The following ZNF860 variants were observed in gnomAD, a reference collection of about 807,000 sequenced individuals.
ZNF860 encodes the protein zinc finger protein 860.
For synonymous variants in ZNF860, 206 were observed against 248.9 expected, an observed-to-expected ratio of 0.83 and a Z score of 1.62; for missense variants, 641 against 759.2, an observed-to-expected ratio of 0.84 and a Z score of 1.83.
the ZNF860 span, among the ~76,000 whole-genome samples, chr3:32,004,396 T>A: frequency 6.6e-6 from 1 of 152,172 alleles, no homozygotes; most frequent in Non-Finnish European, 1.5e-5. Context: ...AAGGATTGCA[T>A]ATTAATTCTG....
rs760174434 is a variant in ZNF860 at position 31,990,651 on chromosome 3, C to A, written c.1572C>A (p.Thr524=). The A allele has an allele frequency of 3.1e-6, 5 of 1,614,040 alleles. No individual in the cohort carries two copies. The highest frequency in any genetic ancestry group is 4.2e-6 in the Non-Finnish European group (5 of 1,179,996). The change falls in exon 2 of 2, where the codon ACC becomes ACA. Residue 524 remains threonine, a synonymous_variant. Coordinates refer to ENST00000360311, the MANE Select transcript of ZNF860 (RefSeq NM_001137674.3). ...GCAAGGTTTTTAATCAACAAGCAACCCTTGCACGTCATCATAGACTTCATA... is the reference window on the plus strand; with the variant it reads ...GCAAGGTTTTTAATCAACAAGCAACACTTGCACGTCATCATAGACTTCATA... ...ECGKVFNQQA[T]LARHHRLHTG...
At chr3:31,985,832 C>T (rs1329493627) in intron 1 of ZNF860, among the ~76,000 whole-genome samples, 1 of 152,200 alleles carries the variant, frequency 6.6e-6, no homozygotes, top group Admixed American at 6.5e-5. Context: ...AAGTGTTTTA[C>T]ACATAATAAC....
chr3:32,004,943 A>T, the ZNF860 span, among the ~76,000 whole-genome samples: 1 of 152,184 alleles, frequency 6.6e-6, no homozygotes, highest in Non-Finnish European at 1.5e-5. Context: ...GTTTCTCCCC[A>T]TAGGCACCCA....
At chr3:32,005,679 C>G in the ZNF860 span, among the ~76,000 whole-genome samples, 2 of 152,276 alleles carry the variant, frequency 1.3e-5, no homozygotes, top group East Asian at 3.9e-4. Context: ...CCTCTGCCTC[C>G]CAGGTTCAAG....
chr3:32,003,050 A>G, the ZNF860 span, among the ~76,000 whole-genome samples: 1 of 152,228 alleles, frequency 6.6e-6, no homozygotes, highest in Non-Finnish European at 1.5e-5. Flanking sequence ...TGGCCGAACG[A>G]AAGTGGGAAG....
At chr3:31,997,334 G>C in the ZNF860 span, among the ~76,000 whole-genome samples, 1 of 150,900 alleles carries the variant, frequency 6.6e-6, no homozygotes, top group Non-Finnish European at 1.5e-5. Context: ...GTGCGATTTC[G>C]GCTCACTGCA....
In ZNF860 at chr3:31,989,052, C is replaced by T. The variant is rs11129475; in HGVS notation, c.-28C>T. On this transcript the variant is annotated 5_prime_UTR_variant, in exon 2 of 2. Coordinates refer to ENST00000360311, the MANE Select transcript of ZNF860 (RefSeq NM_001137674.3). ...GCAGATCGCCTCAGTGAAGGTCACA[C>T]TGCAGCACTATTGATTTCTAAAGAC... 0.21 allele frequency: 333,916 copies of T among 1,612,850 alleles called. 42,564 individuals carry two copies. The highest frequency in any genetic ancestry group is 0.55 in the African/African-American group (41,509 of 74,852).
At chr3:31,983,328 C>T (rs1179489046) in intron 1 of ZNF860, among the ~76,000 whole-genome samples, 4 of 152,184 alleles carry the variant, frequency 2.6e-5, no homozygotes, top group African/African-American at 4.8e-5. Flanking sequence ...TAAGCTCCTG[C>T]TAAAAGAGGA....
downstream of ZNF860, among the ~76,000 whole-genome samples, chr3:31,994,636 G>A (rs952685127): frequency 3.3e-5 from 5 of 152,176 alleles, no homozygotes; most frequent in Non-Finnish European, 7.3e-5. Context: ...CCTTCTTCAA[G>A]TGACAGTAAT....
Position 31,990,315 on chromosome 3 carries a change from C to A in ZNF860, c.1236C>A (p.Thr412=). 6.2e-7 allele frequency: 1 copy of A among 1,614,042 alleles called. No homozygotes were observed. Among genetic ancestry groups the A allele is most frequent in the Non-Finnish European group, 8.5e-7 (1 of 1,179,994 alleles). Residue 412 remains threonine (T), a synonymous_variant, in exon 2 of 2, where the codon ACC becomes ACA. Coordinates refer to ENST00000360311, the MANE Select transcript of ZNF860 (RefSeq NM_001137674.3). Reference sequence around the variant, plus strand: ...ACAAAGTCTTCAGTAATGCTACAACCATTGCAAATCATTGGAGAATCCATA... The same window carrying A: ...ACAAAGTCTTCAGTAATGCTACAACAATTGCAAATCATTGGAGAATCCATA... ...DCHKVFSNAT[T]IANHWRIHNE...
chr3:31,992,857 C>T (rs892198023), downstream of ZNF860, among the ~76,000 whole-genome samples: 1 of 152,096 alleles, frequency 6.6e-6, no homozygotes, highest in Non-Finnish European at 1.5e-5. Context: ...AAAATATTAG[C>T]TGGGTGTGGA....
downstream of ZNF860, among the ~76,000 whole-genome samples, chr3:31,995,886 A>C (rs1699086460): frequency 6.6e-6 from 1 of 152,178 alleles, no homozygotes; most frequent in African/African-American, 2.4e-5. Flanking sequence ...ATGCAGTGCA[A>C]AGCCGCTGTT....
intron 1 of ZNF860, among the ~76,000 whole-genome samples, chr3:31,982,562 C>A (rs1340476318): frequency 1.3e-5 from 2 of 152,034 alleles, no homozygotes; most frequent in African/African-American, 4.8e-5. Context: ...GGTGGTTTAG[C>A]TCTAGAGATG....
the ZNF860 span, among the ~76,000 whole-genome samples, chr3:32,004,015 C>T: frequency 2.6e-5 from 4 of 152,316 alleles, no homozygotes; most frequent in East Asian, 3.9e-4. Flanking sequence ...CAGCAGGGAA[C>T]AGCAGACCCT....
downstream of ZNF860, among the ~76,000 whole-genome samples, chr3:31,993,927 T>C (rs1486131082): frequency 1.3e-5 from 2 of 152,216 alleles, no homozygotes; most frequent in South Asian, 2.1e-4. Context: ...TGAATGTTTA[T>C]TGATGCCTTA....
At chr3:31,997,709 G>A in the ZNF860 span, among the ~76,000 whole-genome samples, 1 of 152,070 alleles carries the variant, frequency 6.6e-6, no homozygotes, top group African/African-American at 2.4e-5. Flanking sequence ...GATGGGAGAT[G>A]GAACAGCTGT....
chr3:31,986,357 C>T (rs1036891729), intron 1 of ZNF860: 5 of 152,214 alleles, frequency 3.3e-5, no homozygotes, highest in African/African-American at 7.2e-5. Flanking sequence ...TCAGCTGTGA[C>T]GTGTACATGC....
chr3:31,991,736 A>G (rs1239178114), downstream of ZNF860: 1 of 154,986 alleles, frequency 6.5e-6, no homozygotes, highest in African/African-American at 2.4e-5. Context: ...GATAACTAAT[A>G]CAGATGCCTA....
downstream of ZNF860, among the ~76,000 whole-genome samples, chr3:31,993,900 A>C (rs967265022): frequency 1.3e-5 from 2 of 149,044 alleles, no homozygotes; most frequent in Non-Finnish European, 2.9e-5. Context: ...ATGTTTGTAC[A>C]AAAAAAAACT....
Sources: gnomAD v4.1 joint callset for allele counts (sites outside exome capture counted in the v4.1 genomes callset) on GRCh38, gnomAD v4.1.1 for gene constraint, MANE v1.5 for transcripts, NCBI Gene and HGNC (gene_info 2026-07-23, HGNC 2026-07-21) for gene names.